Variants in CRACDL observed in about 807,000 individuals in gnomAD.
CRACDL encodes CRACD-like protein.
A neutral mutation model predicts 70.6 loss-of-function variants in CRACDL; 26 were observed. The ratio of observed to expected loss-of-function variants is 0.37; its 90% confidence interval spans 0.27 to 0.51. The LOEUF is 0.51. CRACDL is among the 20% of genes least tolerant of loss of function. CRACDL has a pLI of 0.94. For synonymous variants in CRACDL, 618 were observed against 615.2 expected (o/e 1.00, Z -0.07); for missense variants, 1,283 against 1,376.9 (o/e 0.93, Z 1.08).
intron 1 of CRACDL, among the ~76,000 whole-genome samples, chr2:98,904,647 T>A (rs567591738): frequency 6.6e-6 from 1 of 152,348 alleles, no homozygotes; most frequent in South Asian, 2.1e-4. Flanking sequence ...CCACCTTTAA[T>A]TTATTTCGTT....
intron 1 of CRACDL, among the ~76,000 whole-genome samples, chr2:98,856,952 C>A (rs774098972): frequency 6.6e-6 from 1 of 152,116 alleles, no homozygotes; most frequent in African/African-American, 2.4e-5. Context: ...CTAATAAAAG[C>A]ACTTGCCCAG....
intron 7 of CRACDL, among the ~76,000 whole-genome samples, chr2:98,804,293 A>G (rs1704200223): frequency 6.6e-6 from 1 of 152,222 alleles, no homozygotes; most frequent in South Asian, 2.1e-4. Context: ...GCTTACCGCC[A>G]TTCCTTCCTC....
chr2:98,889,844 A>G (rs191459231), intron 1 of CRACDL, among the ~76,000 whole-genome samples: 10 of 152,366 alleles, frequency 6.6e-5, no homozygotes, highest in African/African-American at 2.4e-4. Context: ...GTTAGAAATC[A>G]CTAACAAAAG....
At chr2:98,848,711 C>T (rs1013180119) in intron 1 of CRACDL, among the ~76,000 whole-genome samples, 8 of 152,148 alleles carry the variant, frequency 5.3e-5, no homozygotes, top group African/African-American at 1.9e-4. Flanking sequence ...AGCCCCCCCA[C>T]AAATAGCTGG....
chr2:98,847,463 G>T (rs978595399), intron 1 of CRACDL, among the ~76,000 whole-genome samples: 1 of 152,076 alleles, frequency 6.6e-6, no homozygotes, highest in Non-Finnish European at 1.5e-5. Flanking sequence ...TGAACTCAAG[G>T]TATGGCTAAT....
chr2:98,802,149 C>A (rs192721690), intron 7 of CRACDL, among the ~76,000 whole-genome samples: 1 of 152,244 alleles, frequency 6.6e-6, no homozygotes, highest in Non-Finnish European at 1.5e-5. Flanking sequence ...TAAGGGCAGG[C>A]GCCTCATCCT....
At chr2:98,811,437 G>T (rs1704553705) in intron 7 of CRACDL, among the ~76,000 whole-genome samples, 1 of 149,416 alleles carries the variant, frequency 6.7e-6, no homozygotes, top group African/African-American at 2.5e-5. Context: ...TTGAATCTGG[G>T]AGGCGGAGGC....
intron 7 of CRACDL, among the ~76,000 whole-genome samples, chr2:98,801,907 G>T (rs887898168): frequency 1.3e-5 from 2 of 152,202 alleles, no homozygotes; most frequent in Admixed American, 1.3e-4. Context: ...GAGGGGTGGA[G>T]AATTTTGGTC....
chr2:98,795,854 T>C (rs1285739107), intron 9 of CRACDL, among the ~76,000 whole-genome samples: 1 of 152,214 alleles, frequency 6.6e-6, no homozygotes, highest in African/African-American at 2.4e-5. Flanking sequence ...TAATTTTCCA[T>C]CTGGGTTTGG....
intron 1 of CRACDL, among the ~76,000 whole-genome samples, chr2:98,868,206 G>A (rs1010822245): frequency 6.6e-6 from 1 of 152,178 alleles, no homozygotes; most frequent in African/African-American, 2.4e-5. Context: ...TGTAACAAAC[G>A]AAAGTGAGGC....
chr2:98,918,710 T>C (rs531685021), intron 1 of CRACDL, among the ~76,000 whole-genome samples: 4 of 152,224 alleles, frequency 2.6e-5, no homozygotes, highest in African/African-American at 4.8e-5. Flanking sequence ...TTTTTTCATA[T>C]GCTTGTTGAT....
chr2:98,900,651 G>A (rs1421933196), intron 1 of CRACDL, among the ~76,000 whole-genome samples: 1 of 152,152 alleles, frequency 6.6e-6, no homozygotes, highest in African/African-American at 2.4e-5. Context: ...GCATGCGTGT[G>A]TGTGGAGGGT....
Position 98,838,184 on chromosome 2 carries a change from C to T in CRACDL, c.174G>A (p.Gln58=). 6.2e-7 allele frequency: 1 copy of T among 1,614,134 alleles called. No individual in the cohort carries two copies. The highest frequency in any genetic ancestry group is 8.5e-7 in the Non-Finnish European group (1 of 1,179,980). The change falls in exon 3 of 10, where the codon CAG becomes CAA. Residue 58 remains glutamine, a synonymous_variant. Transcript: ENST00000397899. ...CGATGGCAATGACCTCATTCCTCGT[C>T]TGACTTTGTTTCCAGGTGCTACTTC... ...STGSSTWKQS[Q]TRNEVIAIES... is the part of the protein sequence containing the mutation.
At chr2:98,859,852 G>A (rs553821462) in intron 1 of CRACDL, among the ~76,000 whole-genome samples, 3 of 152,192 alleles carry the variant, frequency 2.0e-5, no homozygotes, top group East Asian at 3.9e-4. Flanking sequence ...AGATTGAAAG[G>A]GAAAAAATTA....
At chr2:98,895,457 AG>A (rs888061444) in intron 1 of CRACDL, among the ~76,000 whole-genome samples, 4 of 152,200 alleles carry the variant, frequency 2.6e-5, no homozygotes, top group African/African-American at 9.7e-5. Context: ...GGGAAAGAAC[AG>A]GGAAGACGAG....
intron 1 of CRACDL, among the ~76,000 whole-genome samples, chr2:98,907,956 G>A (rs985591764): frequency 2.0e-5 from 3 of 152,208 alleles, no homozygotes; most frequent in African/African-American, 2.4e-5. Flanking sequence ...GTTTCTGCAC[G>A]TGTTAAACAT....
chr2:98,900,193 G>A (rs1179201668), intron 1 of CRACDL, among the ~76,000 whole-genome samples: 6 of 143,858 alleles, frequency 4.2e-5, no homozygotes, highest in African/African-American at 1.1e-4. Context: ...AGTAGGAGGG[G>A]AGGCAGGGGG....
At chr2:98,878,706 C>T (rs181909995) in intron 1 of CRACDL, among the ~76,000 whole-genome samples, 6 of 152,292 alleles carry the variant, frequency 3.9e-5, no homozygotes, top group East Asian at 1.9e-4. Context: ...TGCTCCTCGA[C>T]GTACTATGGG....
intron 1 of CRACDL, among the ~76,000 whole-genome samples, chr2:98,880,351 C>A (rs1305018808): frequency 6.6e-6 from 1 of 152,194 alleles, no homozygotes; most frequent in East Asian, 1.9e-4. Context: ...ATGATGGCAG[C>A]TTACCCTGTG....
Sources: allele counts gnomAD v4.1 joint callset (sites outside exome capture counted in the v4.1 genomes callset), GRCh38; gene constraint gnomAD v4.1.1; transcripts MANE v1.5; gene names NCBI Gene and HGNC (gene_info 2026-07-23, HGNC 2026-07-21).